The following TRPC6 variants were observed in gnomAD, a reference collection of about 807,000 sequenced individuals.
TRPC6 encodes the protein transient receptor potential cation channel subfamily C member 6, also known as short transient receptor potential channel 6.
In TRPC6, 55 loss-of-function variants were observed where a neutral mutation model predicts 90.7. The ratio of observed to expected loss-of-function variants is 0.61; its 90% confidence interval spans 0.49 to 0.76. The LOEUF is 0.76. TRPC6 is among the 30% of genes least tolerant of loss of function. TRPC6 has a pLI of 0.00. For missense variants in TRPC6, 989 were observed against 1,122.7 expected (o/e 0.88, Z 1.70); for synonymous variants, 393 against 393.0 (o/e 1.00, Z 0.00).
chr11:101,487,793 T>C (rs1319640732), intron 4 of TRPC6, among the ~76,000 whole-genome samples: 3 of 152,132 alleles, frequency 2.0e-5, no homozygotes, highest in Non-Finnish European at 2.9e-5. Context: ...TGATGATGGA[T>C]TTTACTCTCA....
chr11:101,576,709 G>A (rs1862078785), intron 1 of TRPC6, among the ~76,000 whole-genome samples: 1 of 152,106 alleles, frequency 6.6e-6, no homozygotes, highest in African/African-American at 2.4e-5. Flanking sequence ...ATGGACTCAA[G>A]AAAATGTTTT....
At chr11:101,542,481 T>G (rs1006763500) in intron 1 of TRPC6, among the ~76,000 whole-genome samples, 2 of 152,192 alleles carry the variant, frequency 1.3e-5, no homozygotes, top group African/African-American at 4.8e-5. Context: ...ACTACTAAAG[T>G]CAGCAGTCAA....
intron 4 of TRPC6, among the ~76,000 whole-genome samples, chr11:101,486,520 A>C (rs1859683563): frequency 6.6e-6 from 1 of 152,180 alleles, no homozygotes; most frequent in Admixed American, 6.5e-5. Context: ...GACTAGCTTA[A>C]ACTAAAATGA....
At chr11:101,559,204 T>G (rs1013416109) in intron 1 of TRPC6, among the ~76,000 whole-genome samples, 1 of 151,972 alleles carries the variant, frequency 6.6e-6, no homozygotes, top group Non-Finnish European at 1.5e-5. Flanking sequence ...GAGACCTACA[T>G]AGACATTTCT....
chr11:101,554,500 T>A (rs770456436), intron 1 of TRPC6, among the ~76,000 whole-genome samples: 1 of 152,092 alleles, frequency 6.6e-6, no homozygotes, highest in Non-Finnish European at 1.5e-5. Context: ...AATGTATGTA[T>A]AAAACATATA....
Position 101,504,667 on chromosome 11 carries a change from C to T in TRPC6, c.302G>A (p.Arg101His), listed in dbSNP as rs778491013. Residue 101 changes from arginine (R) to histidine (H), a missense_variant, in exon 2 of 13, where the codon CGC becomes CAC. This residue lies in a region of TRPC6 where 486 missense variants were observed against 591.9 expected (regional missense o/e 0.82). Coordinates refer to ENST00000344327, the MANE Select transcript of TRPC6 (RefSeq NM_004621.6). ...RSTSLSIEEE[R>H]FLDAAEYGNI... is the part of the protein sequence containing the mutation. The stretch of plus-strand genomic sequence containing the variant: ...ACCATATTCAGCTGCATCCAAAAAG[C>T]GTTCCTCCTCTATAGATAGGCTTGT... 5.0e-6 allele frequency: 8 copies of T among 1,603,796 alleles called. No individual in the cohort carries two copies. Among genetic ancestry groups the T allele is most frequent in the African/African-American group, 4.0e-5 (3 of 74,636 alleles).
intron 1 of TRPC6, among the ~76,000 whole-genome samples, chr11:101,580,470 T>G (rs1274250314): frequency 6.6e-6 from 1 of 152,174 alleles, no homozygotes; most frequent in Non-Finnish European, 1.5e-5. Context: ...ATTTTAACTA[T>G]TAAGGCCTTA....
intron 10 of TRPC6, among the ~76,000 whole-genome samples, chr11:101,461,193 C>T (rs1202823500): frequency 1.3e-5 from 2 of 152,176 alleles, no homozygotes; most frequent in Non-Finnish European, 2.9e-5. Context: ...TCACCTTACT[C>T]CAGTTTTCTT....
At chr11:101,517,941 G>T (rs1463030968) in intron 1 of TRPC6, among the ~76,000 whole-genome samples, 1 of 152,142 alleles carries the variant, frequency 6.6e-6, no homozygotes, top group African/African-American at 2.4e-5. Flanking sequence ...TTGTTCTCTA[G>T]ATATTCCCAT....
At position 101,481,316 on chromosome 11, in the gene TRPC6, T is replaced by C. The variant is rs1859544220; in HGVS notation, c.1510+1633A>G. ...GAAAATCCCTGAGCCTAATTTTCTTTACATCTTGCATATGTTAACCCTACA... is the reference window on the plus strand; with the variant it reads ...GAAAATCCCTGAGCCTAATTTTCTTCACATCTTGCATATGTTAACCCTACA... On this transcript the variant is annotated intron_variant, in intron 5 of 12. Transcript: ENST00000344327. Among the ~76,000 whole-genome samples the C allele has an allele frequency of 2.6e-5, 4 of 152,200 alleles. No homozygotes were observed. The South Asian group carries it at 8.3e-4, about 32-fold the overall frequency.
intron 9 of TRPC6, among the ~76,000 whole-genome samples, chr11:101,469,800 A>ATAGAT (rs1491458985): frequency 6.6e-6 from 1 of 152,196 alleles, no homozygotes; most frequent in Non-Finnish European, 1.5e-5. Flanking sequence ...GAAGAATATC[A>ATAGAT]TAGATTGTAT....
intron 1 of TRPC6, among the ~76,000 whole-genome samples, chr11:101,572,139 T>G (rs557757104): frequency 6.6e-6 from 1 of 151,964 alleles, no homozygotes; most frequent in African/African-American, 2.4e-5. Flanking sequence ...AGGGCTAATA[T>G]CCAGACTCTA....
intron 10 of TRPC6, among the ~76,000 whole-genome samples, chr11:101,468,090 A>G (rs1039065996): frequency 6.6e-6 from 1 of 152,142 alleles, no homozygotes; most frequent in Non-Finnish European, 1.5e-5. Flanking sequence ...GACGATTTCC[A>G]CTTGCCTTCT....
intron 1 of TRPC6, among the ~76,000 whole-genome samples, chr11:101,576,593 G>A (rs567999023): frequency 6.6e-6 from 1 of 152,274 alleles, no homozygotes; most frequent in South Asian, 2.1e-4. Flanking sequence ...TGTATTGAAA[G>A]CCATCAGAAG....
At chr11:101,465,058 T>G (rs1300562249) in intron 10 of TRPC6, among the ~76,000 whole-genome samples, 3 of 152,102 alleles carry the variant, frequency 2.0e-5, no homozygotes, top group Non-Finnish European at 4.4e-5. Context: ...TGAAGCTTAG[T>G]TTGGTTATGA....
rs554334316 is a variant in TRPC6, at chr11:101,563,405, T to C, written c.170+19929A>G. ...ATGTGTACGTGTCTGTCTTTTCCCATGTGTCTGCAAGAGTGGGGCAGGGCT... is the reference window on the plus strand; with the variant it reads ...ATGTGTACGTGTCTGTCTTTTCCCACGTGTCTGCAAGAGTGGGGCAGGGCT... On this transcript the variant is annotated intron_variant, in intron 1 of 12. Coordinates refer to ENST00000344327, the MANE Select transcript of TRPC6 (RefSeq NM_004621.6). Among the ~76,000 whole-genome samples the C allele has an allele frequency of 7.2e-5, 11 of 152,266 alleles. No homozygotes were observed. The South Asian group carries it at 1.7e-3, about 23-fold the overall frequency.
Position 101,583,352 on chromosome 11 carries a change from T to C in TRPC6, c.152A>G (p.Tyr51Cys), listed in dbSNP as rs746061548. 6 of 1,593,596 alleles carry C rather than the reference T, an allele frequency of 3.8e-6. No homozygotes were observed. The highest frequency in any genetic ancestry group is 1.7e-5 in the Admixed American group (1 of 58,572). The change falls in exon 1 of 13, where the codon TAC (tyrosine) becomes TGC (cysteine). Residue 51 changes from tyrosine to cysteine, a missense_variant. Physicochemically the swap from Tyr to Cys is radical, Grantham distance 194. This residue lies in a region of TRPC6 where 194 missense variants were observed against 136.5 expected (regional missense o/e 1.42). Coordinates refer to ENST00000344327, the MANE Select transcript of TRPC6 (RefSeq NM_004621.6). ...DGCPQAPLPC[Y>C]GYYPCFRGSD... ...CACTCACAAGCAGGGGTAGTAGCCG[T>C]AGCAAGGCAGCGGGGCTTGCGGGCA...
chr11:101,511,412 A>C (rs567736322), intron 1 of TRPC6, among the ~76,000 whole-genome samples: 1 of 152,174 alleles, frequency 6.6e-6, no homozygotes, highest in Non-Finnish European at 1.5e-5. Context: ...CTCTCAGTAC[A>C]TAACTGGAAT....
rs370656422 is a variant in TRPC6, at chr11:101,504,593, C to A, written c.376G>T (p.Val126Phe). The stretch of plus-strand genomic sequence containing the variant: ...TGGCCCATGTAATCCACACAGTTAA[C>A]GTTGAGTGAGTGGCATTCTTCTAAC... ...KMLEECHSLN[V>F]NCVDYMGQNA... The change falls in exon 2 of 13, where the codon GTT (valine) becomes TTT (phenylalanine). Residue 126 changes from valine to phenylalanine, a missense_variant. Physicochemically the swap from Val to Phe is conservative, Grantham distance 50 (BLOSUM62 -1). Around this residue, in one of 4 missense-constraint regions of TRPC6, gnomAD observed 486 missense variants for 591.9 expected, o/e 0.82. Transcript: ENST00000344327. 6.2e-6 allele frequency: 10 copies of A among 1,613,992 alleles called. No individual in the cohort carries two copies. The South Asian group carries it at 8.8e-5, about 14-fold the overall frequency.
Sources: allele counts gnomAD v4.1 joint callset (sites outside exome capture counted in the v4.1 genomes callset), GRCh38; gene constraint gnomAD v4.1.1; regional missense constraint gnomAD v4.1.1; transcripts MANE v1.5; gene names NCBI Gene and HGNC (gene_info 2026-07-23, HGNC 2026-07-21).